The following MTRES1 variants were observed in gnomAD, a reference collection of about 807,000 sequenced individuals.
MTRES1 encodes the protein mitochondrial transcription rescue factor 1.
A neutral mutation model predicts 17.4 loss-of-function variants in MTRES1; 11 were observed. That is an observed-to-expected ratio of 0.63 (90% CI 0.40 to 1.05). MTRES1 has a LOEUF of 1.05. Ranked by LOEUF, MTRES1 falls within the 50% of genes least tolerant of loss-of-function variation. The pLI is 0.00. For synonymous variants in MTRES1, 94 were observed against 99.6 expected, an observed-to-expected ratio of 0.94 and a Z score of 0.34; for missense variants, 268 against 276.2, an observed-to-expected ratio of 0.97 and a Z score of 0.21.
chr6:107,032,004 T>G (rs1773862502), intron 1 of MTRES1, among the ~76,000 whole-genome samples: 1 of 152,160 alleles, frequency 6.6e-6, no homozygotes, highest in Non-Finnish European at 1.5e-5. Context: ...GATCGGTTTT[T>G]TCAAGTGCTG....
In MTRES1 at chr6:107,044,316, G is replaced by A. The variant is rs781803704; in HGVS notation, c.527G>A (p.Trp176Ter). The A allele has an allele frequency of 1.9e-6, 3 of 1,613,462 alleles. No homozygotes were observed. In the African/African-American group the frequency reaches 4.0e-5, roughly 22 times the overall value. The change falls in exon 3 of 4, where the codon TGG (tryptophan) becomes TAG (stop). Residue 176 changes from tryptophan to a stop codon, truncating the protein, a stop_gained. Coordinates refer to ENST00000311381, the MANE Select transcript of MTRES1 (RefSeq NM_016487.5). LOFTEE classifies it high-confidence loss of function. ...CTCAGGCTGAATGAGGAAAAATTAT[G>A]GAAGAAAAGCAGAACGGTGAGATAC... ...GELRLNEEKL[W>*]KKSRTVKVGD...
At position 107,039,954 on chromosome 6, in the gene MTRES1, T is replaced by G. The variant is rs1774141440; in HGVS notation, c.194T>G (p.Leu65Arg). ...ACACTTTTTTATAATATTTTCTCAC[T>G]GAGACTCCCAGGGCTTTTACTATCT... ...YKTLFYNIFS[L>R]RLPGLLLSPE... Residue 65 changes from leucine (L) to arginine (R), a missense_variant, in exon 2 of 4, where the codon CTG (leucine) becomes CGG (arginine). Leu to Arg is a moderately radical substitution (Grantham distance 102). Coordinates refer to ENST00000311381, the MANE Select transcript of MTRES1 (RefSeq NM_016487.5). The G allele has an allele frequency of 1.2e-6, 2 of 1,613,834 alleles. No homozygotes were observed. Among genetic ancestry groups the G allele is most frequent in the South Asian group, 2.2e-5 (2 of 91,076 alleles).
chr6:107,051,440 T>C lies in MTRES1; in HGVS notation c.*204T>C, dbSNP rs554409234. ...CCCTGCCCACCTTGATCCATGCTCCTTTGACCTCCTCGTGTGAGAACCCCT... is the reference window on the plus strand; with the variant it reads ...CCCTGCCCACCTTGATCCATGCTCCCTTGACCTCCTCGTGTGAGAACCCCT... On this transcript the variant is annotated 3_prime_UTR_variant, in exon 4 of 4. Coordinates refer to ENST00000311381, the MANE Select transcript of MTRES1 (RefSeq NM_016487.5). 1.3e-4 allele frequency: 50 copies of C among 394,154 alleles called. No homozygotes were observed. Among genetic ancestry groups the C allele is most frequent in the South Asian group, 1.2e-3 (50 of 40,132 alleles). 24.4% of individuals were successfully genotyped at this position (394,154 alleles called of 1,614,324 possible).
intron 1 of MTRES1, among the ~76,000 whole-genome samples, chr6:107,032,786 T>C (rs1554226590): frequency 1.3e-5 from 2 of 152,166 alleles, no homozygotes; most frequent in Non-Finnish European, 2.9e-5. Flanking sequence ...AGCATGCCAA[T>C]GGACTGGTCC....
chr6:107,030,791 C>A (rs1051850898), intron 1 of MTRES1, among the ~76,000 whole-genome samples: 1 of 152,168 alleles, frequency 6.6e-6, no homozygotes, highest in African/African-American at 2.4e-5. Flanking sequence ...TTCTGAGACA[C>A]TAGCCAAGGG....
At chr6:107,049,935 A>G (rs1774537314) in intron 3 of MTRES1, among the ~76,000 whole-genome samples, 3 of 152,084 alleles carry the variant, frequency 2.0e-5, no homozygotes. Flanking sequence ...TGGTCAGGCC[A>G]GTCTTGAACT....
intron 1 of MTRES1, among the ~76,000 whole-genome samples, chr6:107,034,382 C>G (rs1773937896): frequency 6.6e-6 from 1 of 152,094 alleles, no homozygotes; most frequent in Non-Finnish European, 1.5e-5. Flanking sequence ...GTTGGGGCAA[C>G]AGTTCCTCCC....
intron 1 of MTRES1, among the ~76,000 whole-genome samples, chr6:107,035,017 C>T (rs1230346159): frequency 6.6e-6 from 1 of 152,052 alleles, no homozygotes; most frequent in Non-Finnish European, 1.5e-5. Flanking sequence ...CCTTGGGATC[C>T]TAGCCCTGTC....
At chr6:107,044,403 G>A (rs1774324066) in intron 3 of MTRES1, 71 bp downstream of exon 3, 1 of 1,265,054 alleles carries the variant, frequency 7.9e-7, no homozygotes, top group South Asian at 1.3e-5. Context: ...AATTAATGCT[G>A]TCCCAAATTT....
intron 3 of MTRES1, 84 bp downstream of exon 3, chr6:107,044,416 C>T: frequency 3.9e-6 from 4 of 1,020,726 alleles, no homozygotes; most frequent in Non-Finnish European, 6.1e-6. Flanking sequence ...CCAAATTTTC[C>T]CTCTGGCTCC....
intron 1 of MTRES1, among the ~76,000 whole-genome samples, chr6:107,038,301 A>G (rs1774077462): frequency 6.6e-6 from 1 of 152,214 alleles, no homozygotes; most frequent in African/African-American, 2.4e-5. Context: ...GACTCACGGT[A>G]CAAGGATGTT....
rs1554227375 is a variant in MTRES1 at position 107,039,829 on chromosome 6, G to A, written c.69G>A (p.Trp23Ter). 1 of 1,614,012 alleles carries A rather than the reference G, an allele frequency of 6.2e-7. No homozygotes were observed. The highest frequency in any genetic ancestry group is 8.5e-7 in the Non-Finnish European group (1 of 1,179,996). The change falls in exon 2 of 4, where the codon TGG (tryptophan) becomes TGA (stop). Residue 23 changes from tryptophan (W) to a stop codon, truncating the protein, a stop_gained. Transcript: ENST00000311381. LOFTEE classifies it high-confidence loss of function. ...LRKPDAWIGL[W>*]GVLRGTPSSY... ...AGCCAGATGCCTGGATTGGACTCTG[G>A]GGTGTTCTCCGAGGGACACCTTCAT...
In MTRES1 at chr6:107,044,335, GA is replaced by G; in HGVS notation, c.543+4del. 7 of 1,610,124 alleles carry G rather than the reference GA, an allele frequency of 4.3e-6. No homozygotes were observed. The highest frequency in any genetic ancestry group is 5.9e-6 in the Non-Finnish European group (7 of 1,176,532). The stretch of plus-strand genomic sequence containing the variant: ...AATTATGGAAGAAAAGCAGAACGGT[GA>G]GATACTAACCTAAAATGACAGCCAG... On this transcript the variant is annotated splice_donor_region_variant and intron_variant, in intron 3 of 3. Coordinates refer to ENST00000311381, the MANE Select transcript of MTRES1 (RefSeq NM_016487.5).
rs201039408 is a variant in MTRES1 at position 107,039,842 on chromosome 6, G to A, written c.82G>A (p.Gly28Arg). The change falls in exon 2 of 4, where the codon GGG becomes AGG. Residue 28 changes from glycine to arginine, a missense_variant. Transcript: ENST00000311381. ...AWIGLWGVLRGTPSSYKLCTS... is the reference protein window; with the variant it reads ...AWIGLWGVLRRTPSSYKLCTS... ...GATTGGACTCTGGGGTGTTCTCCGA[G>A]GGACACCTTCATCATACAAACTCTG... 6.2e-7 allele frequency: 1 copy of A among 1,614,030 alleles called. No homozygotes were observed. Among genetic ancestry groups the A allele is most frequent in the Non-Finnish European group, 8.5e-7 (1 of 1,180,002 alleles).
intron 1 of MTRES1, among the ~76,000 whole-genome samples, chr6:107,036,971 A>G (rs1342115086): frequency 6.6e-6 from 1 of 152,112 alleles, no homozygotes; most frequent in African/African-American, 2.4e-5. Flanking sequence ...CTGTAGAGAT[A>G]GAGTCTTACT....
chr6:107,048,464 T>C (rs1187095029), intron 3 of MTRES1, among the ~76,000 whole-genome samples: 8 of 151,090 alleles, frequency 5.3e-5, no homozygotes, highest in Non-Finnish European at 8.9e-5. Flanking sequence ...AATGTCCACA[T>C]AGGCTGAAGT....
chr6:107,039,038 G>T (rs1251704860), intron 1 of MTRES1, among the ~76,000 whole-genome samples: 1 of 151,954 alleles, frequency 6.6e-6, no homozygotes, highest in Non-Finnish European at 1.5e-5. Flanking sequence ...TGGGCAACAA[G>T]AGCAAAACTC....
intron 1 of MTRES1, among the ~76,000 whole-genome samples, chr6:107,029,631 G>A (rs1554226194): frequency 6.6e-6 from 1 of 151,856 alleles, no homozygotes; most frequent in Non-Finnish European, 1.5e-5. Context: ...CTACAGGTGT[G>A]CACCACCACG....
At chr6:107,051,029 C>G in intron 3 of MTRES1, 28 bp from the exon 4 acceptor site, 1 of 1,546,444 alleles carries the variant, frequency 6.5e-7, no homozygotes, top group Non-Finnish European at 8.8e-7. Flanking sequence ...GAAGTGTAAC[C>G]AAGCCTCTGT....
Sources: allele counts gnomAD v4.1 joint callset (sites outside exome capture counted in the v4.1 genomes callset), GRCh38; gene constraint gnomAD v4.1.1; transcripts MANE v1.5; gene names NCBI Gene and HGNC (gene_info 2026-07-23, HGNC 2026-07-21).